Variants in ZSWIM6 observed in about 807,000 individuals in gnomAD.
The protein encoded by ZSWIM6 is zinc finger SWIM domain-containing protein 6.
In ZSWIM6, 9 loss-of-function variants were observed where a neutral mutation model predicts 113.2. The ratio of observed to expected loss-of-function variants is 0.08; its 90% CI spans 0.05 to 0.14. The LOEUF (loss-of-function observed/expected upper bound fraction) is 0.14. ZSWIM6 is among the 10% of genes least tolerant of loss of function. ZSWIM6 has a pLI of 1.00. For missense variants in ZSWIM6, 1,162 were observed against 1,552.2 expected, an observed-to-expected ratio of 0.75 and a Z score of 4.22; for synonymous variants, 611 against 606.5, an observed-to-expected ratio of 1.01 and a Z score of -0.11.
At chr5:61,346,530 TGTTA>T (rs1235292843) in intron 1 of ZSWIM6, among the ~76,000 whole-genome samples, 1 of 152,204 alleles carries the variant, frequency 6.6e-6, no homozygotes, top group East Asian at 1.9e-4. Flanking sequence ...GAGTACTGGA[TGTTA>T]GTGGGTAAGA....
At chr5:61,358,356 CAGT>C (rs1422392166) in intron 1 of ZSWIM6, among the ~76,000 whole-genome samples, 1 of 152,050 alleles carries the variant, frequency 6.6e-6, no homozygotes, top group Non-Finnish European at 1.5e-5. Context: ...TTTTTCCAGA[CAGT>C]AGTATTTAAC....
At chr5:61,373,527 G>T (rs1320975929) in intron 1 of ZSWIM6, among the ~76,000 whole-genome samples, 1 of 151,904 alleles carries the variant, frequency 6.6e-6, no homozygotes, top group Non-Finnish European at 1.5e-5. Context: ...GCTACCACTG[G>T]TACCCTAAGT....
rs527984715 is a variant in ZSWIM6 at position 61,472,949 on chromosome 5, C to T, written c.945C>T (p.Ile315=). The change falls in exon 2 of 14, where the codon ATC becomes ATT. Residue 315 remains isoleucine (I), a synonymous_variant. Transcript: ENST00000252744. This position sits in a 1 kb window ranked among gnomAD's most constrained non-coding sequence, Gnocchi z 4.1. ...TGCAAAAGTTTGTACAGTATTTGAT[C>T]ACAGTGCACCACACAGAAGTTTTGC... The part of the protein sequence containing the change: ...DQLQKFVQYL[I]TVHHTEVLPT... 2.1e-5 allele frequency: 32 copies of T among 1,550,100 alleles called. No homozygotes were observed. The African/African-American group carries it at 3.8e-4, about 19-fold the overall frequency.
chr5:61,437,583 C>T (rs1746736537), intron 1 of ZSWIM6, among the ~76,000 whole-genome samples: 2 of 151,818 alleles, frequency 1.3e-5, no homozygotes, highest in Non-Finnish European at 2.9e-5. Context: ...ATTAGCTGAG[C>T]ATGGTAGCGT....
intron 1 of ZSWIM6, among the ~76,000 whole-genome samples, chr5:61,440,640 A>G (rs553789556): frequency 1.2e-4 from 19 of 152,332 alleles, no homozygotes; most frequent in Admixed American, 1.3e-4. Flanking sequence ...CCACAGGTCT[A>G]TGTGAGAACT....
intron 1 of ZSWIM6, among the ~76,000 whole-genome samples, chr5:61,469,801 G>A (rs1042192786): frequency 2.0e-5 from 3 of 152,084 alleles, no homozygotes; most frequent in Middle Eastern, 3.4e-3. Flanking sequence ...TCCGCCTCCC[G>A]GGTTCACGCC....
chr5:61,439,369 C>G (rs920889973), intron 1 of ZSWIM6, among the ~76,000 whole-genome samples: 1 of 152,134 alleles, frequency 6.6e-6, no homozygotes, highest in South Asian at 2.1e-4. Context: ...AGTTTGTAGT[C>G]TGCTGGAATG....
intron 1 of ZSWIM6, chr5:61,375,737 A>G (rs1433998255): frequency 1.3e-6 from 2 of 1,537,928 alleles, no homozygotes; most frequent in East Asian, 4.8e-5. Context: ...GCAAAAAAGA[A>G]GAAAAGCAGT....
At chr5:61,338,916 CAATT>C (rs1193692032) in intron 1 of ZSWIM6, among the ~76,000 whole-genome samples, 1 of 152,214 alleles carries the variant, frequency 6.6e-6, no homozygotes, top group Non-Finnish European at 1.5e-5. Context: ...AGAATTATTG[CAATT>C]AATTGAACAG....
In ZSWIM6 at chr5:61,531,738, A is replaced by G; in HGVS notation, c.2245+13A>G. ...TTCCTATTAGAAGGTAGCCTGATAC[A>G]GAAGTTTTCCACTTATTTAGCCAAT... On this transcript the variant is annotated intron_variant, in intron 9 of 13. Coordinates refer to ENST00000252744, the MANE Select transcript of ZSWIM6 (RefSeq NM_020928.2). 1 of 1,549,932 alleles carries G rather than the reference A, an allele frequency of 6.5e-7. No homozygotes were observed. The highest frequency in any genetic ancestry group is 2.4e-5 in the East Asian group (1 of 40,886).
Position 61,345,746 on chromosome 5 carries a change from AAC to A in ZSWIM6, c.676+12802_676+12803del, listed in dbSNP as rs1186413032. ...AATGATCTGACACCCTTCTTAAGGTAACACAAACTAATTGGCCCAAATAACTA... is the reference window on the plus strand; with the variant it reads ...AATGATCTGACACCCTTCTTAAGGTAACAAACTAATTGGCCCAAATAACTA... On this transcript the variant is annotated intron_variant, in intron 1 of 13. Transcript: ENST00000252744. 6.6e-5 allele frequency among the ~76,000 whole-genome samples: 10 copies of A among 152,330 alleles called. No individual in the cohort carries two copies. The East Asian group carries it at 1.9e-3, about 29-fold the overall frequency.
chr5:61,529,918 A>C (rs1749385298), intron 7 of ZSWIM6, 134 bp from the exon 8 acceptor site: 1 of 758,692 alleles, frequency 1.3e-6, no homozygotes, highest in South Asian at 3.7e-5. Flanking sequence ...CTTAATTAAA[A>C]GAGAATTTCG....
At chr5:61,439,489 C>T (rs577302594) in intron 1 of ZSWIM6, among the ~76,000 whole-genome samples, 1 of 152,166 alleles carries the variant, frequency 6.6e-6, no homozygotes, top group Non-Finnish European at 1.5e-5. Flanking sequence ...TAGAACAATG[C>T]ATAAAACATG....
At chr5:61,370,127 C>T (rs952444216) in intron 1 of ZSWIM6, among the ~76,000 whole-genome samples, 1 of 152,156 alleles carries the variant, frequency 6.6e-6, no homozygotes, top group African/African-American at 2.4e-5. Flanking sequence ...TGAACTACAT[C>T]GAACAAATTA....
chr5:61,413,146 A>G (rs1034622769), intron 1 of ZSWIM6, among the ~76,000 whole-genome samples: 51 of 147,142 alleles, frequency 3.5e-4, no homozygotes, highest in African/African-American at 1.2e-3. Context: ...AGCATTAGGT[A>G]TATCTCCTAA....
intron 1 of ZSWIM6, among the ~76,000 whole-genome samples, chr5:61,402,533 C>T (rs11743218): frequency 0.23 from 32,205 of 140,248 alleles, 3,579 homozygotes; most frequent in African/African-American, 0.35. Context: ...TTTTTTTTTT[C>T]CCCCCAGGAA....
intron 1 of ZSWIM6, among the ~76,000 whole-genome samples, chr5:61,377,084 G>A (rs968430070): frequency 6.6e-6 from 1 of 151,994 alleles, no homozygotes; most frequent in African/African-American, 2.4e-5. Context: ...GTGTGATGAA[G>A]GCACATGTAT....
chr5:61,375,374 C>A (rs1745350341), intron 1 of ZSWIM6: 6 of 1,589,376 alleles, frequency 3.8e-6, no homozygotes, highest in Non-Finnish European at 5.2e-6. Context: ...GAGAGCTCAT[C>A]CAAAAAAAGA....
In ZSWIM6 at chr5:61,519,737, A is replaced by T. The variant is rs111429283; in HGVS notation, c.1334-1526A>T. 2.8e-4 allele frequency among the ~76,000 whole-genome samples: 42 copies of T among 152,240 alleles called. 2 individuals carry two copies. Among genetic ancestry groups the T allele is most frequent in the African/African-American group, 1.0e-3 (42 of 41,556 alleles). On this transcript the variant is annotated intron_variant, in intron 4 of 13. Coordinates refer to ENST00000252744, the MANE Select transcript of ZSWIM6 (RefSeq NM_020928.2). Reference sequence around the variant, plus strand: ...TGATAAAAGCTATTTGATATTTAAAATAATAGATACTCTTACATAGCAGTC... The same window carrying T: ...TGATAAAAGCTATTTGATATTTAAATTAATAGATACTCTTACATAGCAGTC...
Sources: allele counts gnomAD v4.1 joint callset (sites outside exome capture counted in the v4.1 genomes callset), GRCh38; gene constraint gnomAD v4.1.1; non-coding constraint Gnocchi (gnomAD v3.1); transcripts MANE v1.5; gene names NCBI Gene and HGNC (gene_info 2026-07-23, HGNC 2026-07-21).